Variants in IL17RB observed in about 807,000 individuals in gnomAD.
IL17RB encodes interleukin 17 receptor B, also known as interleukin-17 receptor B.
In IL17RB, 36 loss-of-function variants were observed where a neutral mutation model predicts 43.9. The observed-to-expected ratio is 0.82, with a 90% CI of 0.63 to 1.08. The LOEUF (loss-of-function observed/expected upper bound fraction) is 1.08. Among genes scored for constraint, IL17RB ranks in the 50% least tolerant of loss-of-function variants. IL17RB has a pLI of 0.00. For missense variants in IL17RB, 613 were observed against 613.6 expected (o/e 1.00, Z 0.01); for synonymous variants, 225 against 225.4 (o/e 1.00, Z 0.02).
At chr3:53,846,720 C>A in intron 1 of IL17RB, 72 bp downstream of exon 1, 1 of 1,457,962 alleles carries the variant, frequency 6.9e-7, no homozygotes. Context: ...GTCTGATCCG[C>A]CAGTCCAGGC....
At chr3:53,852,818 G>A (rs1699198831) in intron 4 of IL17RB, 53 bp from the exon 5 acceptor site, 2 of 1,586,272 alleles carry the variant, frequency 1.3e-6, no homozygotes, top group Non-Finnish European at 1.7e-6. Flanking sequence ...AAGGTATACT[G>A]TTTCTGTACT....
intron 2 of IL17RB, 137 bp downstream of exon 2, chr3:53,848,825 A>G: frequency 1.1e-6 from 1 of 938,864 alleles, no homozygotes; most frequent in Non-Finnish European, 1.7e-6. Context: ...GATGCAGATG[A>G]AGTCTCTGTC....
At position 53,852,141 on chromosome 3, in the gene IL17RB, G is replaced by C; in HGVS notation, c.354+15G>C. ...CTGGTGGTAAAGTAAGCACTTTTTT[G>C]TTTTTTGTTTTGTTTTTTGAGATAG... On this transcript the variant is annotated intron_variant, in intron 4 of 10. Coordinates refer to ENST00000288167, the MANE Select transcript of IL17RB (RefSeq NM_018725.4). The C allele has an allele frequency of 1.2e-6, 2 of 1,612,756 alleles. No homozygotes were observed. The highest frequency in any genetic ancestry group is 1.7e-6 in the Non-Finnish European group (2 of 1,179,418).
chr3:53,863,271 G>A (rs898076316), intron 10 of IL17RB, among the ~76,000 whole-genome samples: 7 of 152,094 alleles, frequency 4.6e-5, no homozygotes, highest in South Asian at 2.1e-4. Context: ...ATGCAGGGCC[G>A]GTGCCCCTCC....
chr3:53,849,927 A>G (rs915195254), intron 3 of IL17RB, 132 bp downstream of exon 3: 26 of 781,990 alleles, frequency 3.3e-5, no homozygotes, highest in Middle Eastern at 4.0e-4. Context: ...CAAAAGCCAC[A>G]TACTAGGGTG....
chr3:53,863,274 G>A (rs777051344), intron 10 of IL17RB, among the ~76,000 whole-genome samples: 1 of 152,130 alleles, frequency 6.6e-6, no homozygotes, highest in Non-Finnish European at 1.5e-5. Context: ...CAGGGCCGGT[G>A]CCCCTCCCCA....
Position 53,858,748 on chromosome 3 carries a change from C to T in IL17RB, c.777C>T (p.Ser259=), listed in dbSNP as rs202216081. ...QLTPYFPTCG[S]DCIRHKGTVV... is the part of the protein sequence containing the mutation. ...CTCCATATTTTCCTACTTGTGGCAG[C>T]GACTGCATCCGACATAAAGGAACAG... Residue 259 remains serine, a synonymous_variant, in exon 9 of 11, where the codon AGC becomes AGT. Coordinates refer to ENST00000288167, the MANE Select transcript of IL17RB (RefSeq NM_018725.4). 8 of 1,613,878 alleles carry T rather than the reference C, an allele frequency of 5.0e-6. No homozygotes were observed. Among genetic ancestry groups the T allele is most frequent in the Middle Eastern group, 1.6e-4 (1 of 6,062 alleles).
intron 10 of IL17RB, chr3:53,860,791 C>T (rs1341748682): frequency 2.0e-5 from 3 of 152,070 alleles, no homozygotes; most frequent in Non-Finnish European, 4.4e-5. Context: ...AAAGGTATGT[C>T]ATAAATGCAG....
chr3:53,850,493 C>G lies in IL17RB; in HGVS notation c.226+698C>G, dbSNP rs1352177572. Reference sequence around the variant, plus strand: ...GCAGCCTGGGCAACAGAGTGAAACTCCGTCTCAAAAAAAAAAAAAAAAGCA... The same window carrying G: ...GCAGCCTGGGCAACAGAGTGAAACTGCGTCTCAAAAAAAAAAAAAAAAGCA... On this transcript the variant is annotated intron_variant, in intron 3 of 10. Transcript: ENST00000288167. Among the ~76,000 whole-genome samples, 3 of 144,170 alleles carry G rather than the reference C, an allele frequency of 2.1e-5. No individual in the cohort carries two copies. The South Asian group carries it at 6.7e-4, about 32-fold the overall frequency. The allele number at this position is 144,170 out of a possible 152,430, so 94.6% of individuals were successfully genotyped here.
intron 7 of IL17RB, 148 bp downstream of exon 7, chr3:53,857,134 G>A (rs1699366581): frequency 1.2e-6 from 1 of 811,316 alleles, no homozygotes. Flanking sequence ...CCTGAGAGGT[G>A]TCACTGTGAA....
chr3:53,863,011 GA>G (rs1699621582), intron 10 of IL17RB, among the ~76,000 whole-genome samples: 1 of 152,136 alleles, frequency 6.6e-6, no homozygotes, highest in Non-Finnish European at 1.5e-5. Flanking sequence ...TACTCAACAA[GA>G]TGATGACAAG....
intron 10 of IL17RB, among the ~76,000 whole-genome samples, chr3:53,864,320 A>G (rs1699691501): frequency 6.6e-6 from 1 of 152,188 alleles, no homozygotes; most frequent in Non-Finnish European, 1.5e-5. Context: ...GCGGAACACG[A>G]GGTCAGGAGA....
At position 53,865,599 on chromosome 3, in the gene IL17RB, C is replaced by A. The variant is rs1018498576; in HGVS notation, c.*291C>A. Reference sequence around the variant, plus strand: ...CAATAAAGCATCTTCAGCCAAACATCTAGTCTTCCATAGACCATGCATTGC... The same window carrying A: ...CAATAAAGCATCTTCAGCCAAACATATAGTCTTCCATAGACCATGCATTGC... On this transcript the variant is annotated 3_prime_UTR_variant, in exon 11 of 11. Coordinates refer to ENST00000288167, the MANE Select transcript of IL17RB (RefSeq NM_018725.4). The A allele has an allele frequency of 2.9e-6, 1 of 350,228 alleles. No individual in the cohort carries two copies. The highest frequency in any genetic ancestry group is 5.2e-6 in the Non-Finnish European group (1 of 191,324). 21.7% of individuals were successfully genotyped at this position (350,228 alleles called of 1,614,324 possible).
At chr3:53,848,568 G>A (rs1359055884) in intron 1 of IL17RB, 96 bp from the exon 2 acceptor site, 1 of 1,150,520 alleles carries the variant, frequency 8.7e-7, no homozygotes, top group Non-Finnish European at 1.3e-6. Context: ...ACTTGTATAT[G>A]CATTTAAGGG....
chr3:53,864,917 TAGC>T lies in IL17RB; in HGVS notation c.1121_1123del (p.Ala374del). ...CTTGAAAAGTGGCAGAAAAAGAAAA[TAGC>T]AGAGATGGGTCCAGTGCAGTGGCTT... On this transcript the variant is annotated inframe_deletion, in exon 11 of 11. Transcript: ENST00000288167. 1 of 1,614,062 alleles carries T rather than the reference TAGC, an allele frequency of 6.2e-7. No homozygotes were observed. The highest frequency in any genetic ancestry group is 1.1e-5 in the South Asian group (1 of 91,074).
chr3:53,862,144 T>A (rs1699584779), intron 10 of IL17RB, among the ~76,000 whole-genome samples: 1 of 152,188 alleles, frequency 6.6e-6, no homozygotes, highest in South Asian at 2.1e-4. Context: ...CGACTGCCTT[T>A]TAAAGTTCTT....
At chr3:53,851,128 A>G (rs545468073) in intron 3 of IL17RB, among the ~76,000 whole-genome samples, 1 of 152,292 alleles carries the variant, frequency 6.6e-6, no homozygotes, top group African/African-American at 2.4e-5. Context: ...GCTGCAAGGC[A>G]CCATATGAGT....
At position 53,864,777 on chromosome 3, in the gene IL17RB, C is replaced by A; in HGVS notation, c.978C>A (p.Thr326=). The change falls in exon 11 of 11, where the codon ACC becomes ACA. Residue 326 remains threonine, a synonymous_variant. Transcript: ENST00000288167. ...ERIKKTSFST[T]TLLPPIKVLV... Reference sequence around the variant, plus strand: ...TCAAGAAGACTTCCTTTTCTACCACCACACTACTGCCCCCCATTAAGGTTC... The same window carrying A: ...TCAAGAAGACTTCCTTTTCTACCACAACACTACTGCCCCCCATTAAGGTTC... 6.2e-7 allele frequency: 1 copy of A among 1,612,496 alleles called. No individual in the cohort carries two copies.
At position 53,852,025 on chromosome 3, in the gene IL17RB, A is replaced by G. The variant is rs770546283; in HGVS notation, c.253A>G (p.Lys85Glu). Residue 85 changes from lysine (K) to glutamate (E), a missense_variant, in exon 4 of 11, where the codon AAG (lysine) becomes GAG (glutamate). Coordinates refer to ENST00000288167, the MANE Select transcript of IL17RB (RefSeq NM_018725.4). ...CAGCATCCGCTTGTTGAAGGCCACC[A>G]AGATTTGTGTGACGGGCAAAAGCAA... is the stretch of plus-strand genomic sequence containing the variant. ...DASIRLLKAT[K>E]ICVTGKSNFQ... 1.2e-6 allele frequency: 2 copies of G among 1,614,142 alleles called. No individual in the cohort carries two copies. Among genetic ancestry groups the G allele is most frequent in the Non-Finnish European group, 1.7e-6 (2 of 1,180,034 alleles).
Sources: allele counts gnomAD v4.1 joint callset (sites outside exome capture counted in the v4.1 genomes callset), GRCh38; gene constraint gnomAD v4.1.1; transcripts MANE v1.5; gene names NCBI Gene and HGNC (gene_info 2026-07-23, HGNC 2026-07-21).